Variants in E2F6 observed in about 807,000 individuals in gnomAD.
E2F6 encodes transcription factor E2F6.
In E2F6, 19 loss-of-function variants were observed where a neutral mutation model predicts 31.5. The observed-to-expected ratio is 0.60, with a 90% CI of 0.42 to 0.89. The LOEUF (loss-of-function observed/expected upper bound fraction) is 0.89, where lower values mean the gene tolerates loss of function less well. Among genes scored for constraint, E2F6 ranks in the 40% least tolerant of loss-of-function variants. The pLI is 0.00. For synonymous variants in E2F6, 121 were observed against 127.7 expected (o/e 0.95, Z 0.36); for missense variants, 269 against 341.6 (o/e 0.79, Z 1.67).
intron 1 of E2F6, among the ~76,000 whole-genome samples, chr2:11,458,828 G>T (rs1213672625): frequency 6.6e-6 from 1 of 152,140 alleles, no homozygotes; most frequent in Non-Finnish European, 1.5e-5. Context: ...TAATTTAGTT[G>T]TTAGAATTGA....
At chr2:11,460,550 T>G (rs777072445) in intron 1 of E2F6, among the ~76,000 whole-genome samples, 3 of 152,226 alleles carry the variant, frequency 2.0e-5, no homozygotes, top group African/African-American at 7.2e-5. Flanking sequence ...GCCAGCCTAT[T>G]GTGGGGCTTC....
In E2F6 at chr2:11,457,186, G is replaced by T; in HGVS notation, c.156C>A (p.Ser52=). The T allele has an allele frequency of 6.4e-7, 1 of 1,559,714 alleles. No homozygotes were observed. The highest frequency in any genetic ancestry group is 1.4e-5 in the African/African-American group (1 of 73,754). ...ATTCAGGAATCAACTTACTTCTCAT[G>T]GACACATATTGTACATTATCTTCTA... The part of the protein sequence containing the change: ...INLEDNVQYV[S]MRKALKVKRP... The change falls in exon 2 of 7, where the codon TCC becomes TCA. Residue 52 remains serine (S), a synonymous_variant. Transcript: ENST00000381525.
chr2:11,446,795 G>A (rs1670743641), intron 6 of E2F6, among the ~76,000 whole-genome samples: 1 of 152,176 alleles, frequency 6.6e-6, no homozygotes, highest in African/African-American at 2.4e-5. Flanking sequence ...TTTTGGAGCC[G>A]TCACGACTCC....
intron 6 of E2F6, 71 bp from the exon 7 acceptor site, chr2:11,446,594 G>A (rs1388742672): frequency 4.2e-5 from 54 of 1,282,314 alleles, no homozygotes; most frequent in Non-Finnish European, 5.6e-5. Flanking sequence ...AGGCAAATAC[G>A]TAAAAGAATA....
chr2:11,459,615 C>A (rs1211887139), intron 1 of E2F6, among the ~76,000 whole-genome samples: 1 of 152,018 alleles, frequency 6.6e-6, no homozygotes, highest in Non-Finnish European at 1.5e-5. Flanking sequence ...CGCGGTGGCT[C>A]ATGCCTGTAA....
rs1245611009 is a variant in E2F6 at position 11,445,194 on chromosome 2, A to G, written c.*1283T>C. 3.3e-5 allele frequency: 5 copies of G among 152,230 alleles called. No homozygotes were observed. The highest frequency in any genetic ancestry group is 7.3e-5 in the Non-Finnish European group (5 of 68,050). The allele number at this position is 152,230 out of a possible 1,614,324, so 9.4% of individuals were successfully genotyped here. A position where few individuals can be genotyped will look rare whatever the true frequency, so the allele number is the denominator to read the frequency against. On this transcript the variant is annotated 3_prime_UTR_variant, in exon 7 of 7. Coordinates refer to ENST00000381525, the MANE Select transcript of E2F6 (RefSeq NM_198256.4). ...CAGTCTGAATTTGAAGTCGCTTCAAATATTTCTTTAAAAGCAATATTCAAA... is the reference window on the plus strand; with the variant it reads ...CAGTCTGAATTTGAAGTCGCTTCAAGTATTTCTTTAAAAGCAATATTCAAA...
intron 1 of E2F6, among the ~76,000 whole-genome samples, chr2:11,459,666 A>T (rs1165968827): frequency 2.0e-5 from 3 of 151,972 alleles, no homozygotes; most frequent in Non-Finnish European, 4.4e-5. Context: ...AGGAGATCAC[A>T]AGGTCAGGAG....
intron 1 of E2F6, 26 bp downstream of exon 1, chr2:11,465,746 C>A: frequency 6.4e-7 from 1 of 1,563,226 alleles, no homozygotes; most frequent in African/African-American, 1.4e-5. Context: ...GACCACCGCC[C>A]GTCCCCGTCC....
intron 2 of E2F6, among the ~76,000 whole-genome samples, chr2:11,454,641 C>G (rs1038877100): frequency 6.6e-6 from 1 of 151,976 alleles, no homozygotes; most frequent in Non-Finnish European, 1.5e-5. Flanking sequence ...TAAGAGCCAC[C>G]GCGGCTGGCC....
intron 1 of E2F6, among the ~76,000 whole-genome samples, chr2:11,457,947 A>T (rs1271151997): frequency 6.6e-6 from 1 of 152,232 alleles, no homozygotes; most frequent in Non-Finnish European, 1.5e-5. Context: ...TTCCTGAAAC[A>T]ACCAGGAAAT....
intron 4 of E2F6, 86 bp from the exon 5 acceptor site, chr2:11,450,212 A>C: frequency 1.3e-6 from 1 of 772,776 alleles, no homozygotes; most frequent in South Asian, 2.2e-5. Flanking sequence ...CGCAAGGGTA[A>C]TGTTAGAATG....
chr2:11,447,812 T>C, intron 5 of E2F6, 38 bp from the exon 6 acceptor site: 1 of 1,586,902 alleles, frequency 6.3e-7, no homozygotes, highest in South Asian at 1.2e-5. Flanking sequence ...ATGAATGAAA[T>C]AATAAATCAT....
intron 6 of E2F6, 67 bp downstream of exon 6, chr2:11,447,560 C>T: frequency 6.5e-7 from 1 of 1,544,424 alleles, no homozygotes; most frequent in Non-Finnish European, 8.8e-7. Flanking sequence ...ATCTTAAGGC[C>T]ATAATACACA....
At chr2:11,459,710 C>T (rs1326807011) in intron 1 of E2F6, among the ~76,000 whole-genome samples, 2 of 151,970 alleles carry the variant, frequency 1.3e-5, no homozygotes, top group East Asian at 1.9e-4. Flanking sequence ...AGTGAAATCC[C>T]CGTCTCTACT....
chr2:11,462,935 A>G (rs142388943), intron 1 of E2F6, among the ~76,000 whole-genome samples: 1 of 152,186 alleles, frequency 6.6e-6, no homozygotes, highest in Non-Finnish European at 1.5e-5. Flanking sequence ...GGAGTTTGAA[A>G]CCTAAGTAGG....
rs1670794862 is a variant in E2F6, at chr2:11,447,562, T to C, written c.799+65A>G. The stretch of plus-strand genomic sequence containing the variant: ...GAAGAGTAAAAATATCTTAAGGCCA[T>C]AATACACATTAATAAAATTATGCAT... On this transcript the variant is annotated intron_variant, in intron 6 of 6. Transcript: ENST00000381525. The C allele has an allele frequency of 7.1e-6, 11 of 1,552,482 alleles. No individual in the cohort carries two copies. The South Asian group carries it at 1.2e-4, about 17-fold the overall frequency.
chr2:11,461,950 T>C (rs528477588), intron 1 of E2F6, among the ~76,000 whole-genome samples: 1 of 152,268 alleles, frequency 6.6e-6, no homozygotes, highest in Non-Finnish European at 1.5e-5. Flanking sequence ...TTGCCTCTTA[T>C]AAGCAGTGAA....
intron 5 of E2F6, 100 bp downstream of exon 5, chr2:11,449,912 G>A (rs1007740862): frequency 1.0e-5 from 9 of 857,708 alleles, no homozygotes; most frequent in East Asian, 7.6e-5. Context: ...TACAGTGCAC[G>A]TGCACACAAC....
chr2:11,465,008 G>A (rs1056815885), intron 1 of E2F6, among the ~76,000 whole-genome samples: 1 of 151,724 alleles, frequency 6.6e-6, no homozygotes, highest in African/African-American at 2.4e-5. Flanking sequence ...GCGAAATCCC[G>A]TCTCTACTAA....
Sources: allele counts gnomAD v4.1 joint callset (sites outside exome capture counted in the v4.1 genomes callset), GRCh38; gene constraint gnomAD v4.1.1; transcripts MANE v1.5; gene names NCBI Gene and HGNC (gene_info 2026-07-23, HGNC 2026-07-21).